Variants in DNAI7 observed in about 807,000 individuals in gnomAD.
The protein encoded by DNAI7 is dynein axonemal intermediate chain 7.
Under a neutral mutation model 86.6 loss-of-function variants are expected in DNAI7, and 78 were observed. That is an observed-to-expected ratio of 0.90 (90% confidence interval 0.75 to 1.09). The LOEUF is 1.09. DNAI7 is among the 50% of genes least tolerant of loss of function. DNAI7 has a pLI of 0.00. For missense variants in DNAI7, 753 were observed against 810.2 expected (o/e 0.93, Z 0.86); for synonymous variants, 274 against 273.0 (o/e 1.00, Z -0.04).
chr12:25,112,831 C>T (rs571942683), intron 13 of DNAI7, among the ~76,000 whole-genome samples: 44 of 152,218 alleles, frequency 2.9e-4, no homozygotes, highest in African/African-American at 1.1e-3. Flanking sequence ...ATACCAAGAA[C>T]TCAAAATTTG....
intron 2 of DNAI7, among the ~76,000 whole-genome samples, chr12:25,168,879 C>T (rs527516100): frequency 1.8e-4 from 28 of 152,214 alleles, no homozygotes; most frequent in African/African-American, 5.5e-4. Flanking sequence ...TAATTCTACA[C>T]GACAAAATGT....
At chr12:25,174,142 C>G (rs1331301620) in intron 2 of DNAI7, among the ~76,000 whole-genome samples, 1 of 146,802 alleles carries the variant, frequency 6.8e-6, no homozygotes, top group Non-Finnish European at 1.5e-5. Context: ...TTGTTTTTTT[C>G]TTACTGATGT....
intron 15 of DNAI7, among the ~76,000 whole-genome samples, chr12:25,109,209 TAAAC>T (rs1056037088): frequency 6.6e-6 from 1 of 152,160 alleles, no homozygotes; most frequent in African/African-American, 2.4e-5. Flanking sequence ...AAACACACAA[TAAAC>T]AAGAGCAATA....
intron 2 of DNAI7, among the ~76,000 whole-genome samples, chr12:25,164,870 A>C (rs12827491): frequency 5.7e-4 from 83 of 145,096 alleles, no homozygotes; most frequent in Non-Finnish European, 7.3e-4. Flanking sequence ...CCCTATAATC[A>C]TTTTATCACC....
At chr12:25,142,861 C>T (rs1174407705) in intron 9 of DNAI7, among the ~76,000 whole-genome samples, 2 of 152,080 alleles carry the variant, frequency 1.3e-5, no homozygotes, top group African/African-American at 4.8e-5. Context: ...CATGTCTAAT[C>T]ACATCTTATT....
intron 2 of DNAI7, among the ~76,000 whole-genome samples, chr12:25,187,429 A>C (rs1950132155): frequency 1.3e-5 from 2 of 152,158 alleles, no homozygotes; most frequent in African/African-American, 4.8e-5. Context: ...TCTATGTATT[A>C]AAAGCTACCT....
intron 3 of DNAI7, among the ~76,000 whole-genome samples, chr12:25,159,331 C>A (rs1469918583): frequency 6.6e-6 from 1 of 151,862 alleles, no homozygotes; most frequent in East Asian, 1.9e-4. Context: ...CAAAATAACT[C>A]CTACTGATAG....
intron 9 of DNAI7, among the ~76,000 whole-genome samples, chr12:25,124,061 T>TGTGTGTGTGC (rs1045679130): frequency 2.0e-5 from 3 of 151,404 alleles, no homozygotes; most frequent in African/African-American, 7.3e-5. Context: ...TGTGTGTGTG[T>TGTGTGTGTGC]GCTAATACTT....
At chr12:25,170,616 T>C (rs1948035577) in intron 2 of DNAI7, among the ~76,000 whole-genome samples, 1 of 152,136 alleles carries the variant, frequency 6.6e-6, no homozygotes, top group Non-Finnish European at 1.5e-5. Context: ...AACTATACCT[T>C]GGAAGAAATG....
intron 5 of DNAI7, 137 bp from the exon 6 acceptor site, chr12:25,154,593 T>C (rs1016644213): frequency 1.4e-6 from 1 of 739,882 alleles, no homozygotes; most frequent in African/African-American, 1.8e-5. Context: ...AACCAGTAAC[T>C]TGAGAGAGCT....
intron 2 of DNAI7, among the ~76,000 whole-genome samples, chr12:25,171,411 A>T (rs1220663764): frequency 6.6e-6 from 1 of 152,158 alleles, no homozygotes; most frequent in African/African-American, 2.4e-5. Context: ...CAACCCTCCT[A>T]CCTTAAATCA....
intron 12 of DNAI7, 65 bp from the exon 13 acceptor site, chr12:25,114,935 A>C: frequency 8.0e-7 from 1 of 1,252,494 alleles, no homozygotes; most frequent in East Asian, 2.4e-5. Context: ...AGATAAATGA[A>C]AGCACCAAAA....
At chr12:25,182,334 C>A (rs538862705) in intron 2 of DNAI7, among the ~76,000 whole-genome samples, 2 of 119,694 alleles carry the variant, frequency 1.7e-5, no homozygotes, top group South Asian at 5.3e-4. Flanking sequence ...GCAACAAGAG[C>A]GAAACTTCAT....
chr12:25,121,636 C>G, intron 11 of DNAI7, 117 bp downstream of exon 11: 3 of 784,536 alleles, frequency 3.8e-6, no homozygotes, highest in Non-Finnish European at 5.9e-6. Context: ...TTTAAAATTA[C>G]ATTTTTTCCT....
intron 2 of DNAI7, among the ~76,000 whole-genome samples, chr12:25,167,969 T>C (rs578065854): frequency 7.1e-4 from 108 of 152,168 alleles, no homozygotes; most frequent in African/African-American, 2.5e-3. Flanking sequence ...TCCAAAGCCC[T>C]CTTCTTGTTT....
At chr12:25,135,076 A>G (rs754426770) in intron 9 of DNAI7, among the ~76,000 whole-genome samples, 5 of 152,174 alleles carry the variant, frequency 3.3e-5, no homozygotes, top group Non-Finnish European at 7.4e-5. Context: ...CACCAGGAAA[A>G]CGGAAATAAT....
rs181428535 is a variant in DNAI7 at position 25,155,606 on chromosome 12, C to T, written c.199-194G>A. 2.6e-5 allele frequency among the ~76,000 whole-genome samples: 4 copies of T among 152,360 alleles called. No homozygotes were observed. The East Asian group carries it at 7.7e-4, about 29-fold the overall frequency. On this transcript the variant is annotated intron_variant, in intron 4 of 15. Transcript: ENST00000395987. Reference sequence around the variant, plus strand: ...GCTTACAAAGTGTGATCTACAGACTCTTGATGGGTACCTAAAACCTGGGAT... The same window carrying T: ...GCTTACAAAGTGTGATCTACAGACTTTTGATGGGTACCTAAAACCTGGGAT...
intron 3 of DNAI7, among the ~76,000 whole-genome samples, chr12:25,160,560 A>G (rs1946730627): frequency 6.6e-6 from 1 of 152,142 alleles, no homozygotes; most frequent in African/African-American, 2.4e-5. Flanking sequence ...GCCAATCGGA[A>G]TTAGTTTATC....
At chr12:25,109,413 G>T (rs371986179) in intron 15 of DNAI7, among the ~76,000 whole-genome samples, 1 of 148,810 alleles carries the variant, frequency 6.7e-6, no homozygotes, top group Non-Finnish European at 1.5e-5. Flanking sequence ...AGAGATGGGG[G>T]TCTCACTCTG....
Sources: gnomAD v4.1 joint callset for allele counts (sites outside exome capture counted in the v4.1 genomes callset) on GRCh38, gnomAD v4.1.1 for gene constraint, MANE v1.5 for transcripts, NCBI Gene and HGNC (gene_info 2026-07-23, HGNC 2026-07-21) for gene names.